ABCC12: variants seen among roughly 807,000 people sequenced by gnomAD.
ABCC12 encodes ATP binding cassette subfamily C member 12, also known as ATP-binding cassette sub-family C member 12.
Under a neutral mutation model 151.1 loss-of-function variants are expected in ABCC12, and 142 were observed. The ratio of observed to expected loss-of-function variants is 0.94; its 90% CI spans 0.82 to 1.08. The LOEUF is 1.08. Among genes scored for constraint, ABCC12 ranks in the 50% least tolerant of loss-of-function variants. The probability of loss-of-function intolerance (pLI) is 0.00; values close to 1 mark genes in which losing one functional copy is unlikely to be tolerated. For missense variants in ABCC12, 1,638 were observed against 1,691.1 expected, an observed-to-expected ratio of 0.97 and a Z score of 0.55; for synonymous variants, 645 against 646.4, an observed-to-expected ratio of 1.00 and a Z score of 0.03.
chr16:48,086,840 G>C, intron 27 of ABCC12, 21 bp from the exon 28 acceptor site: 1 of 1,596,158 alleles, frequency 6.3e-7, no homozygotes, highest in African/African-American at 1.3e-5. Flanking sequence ...GGAGAGGAGA[G>C]GACAGGGAGC....
intron 8 of ABCC12, among the ~76,000 whole-genome samples, chr16:48,135,049 C>CA (rs1236934094): frequency 0.018 from 1,436 of 77,712 alleles, 19 homozygotes; most frequent in African/African-American, 0.054. Context: ...GACTCTGTCT[C>CA]AAAAAAAAAA....
At chr16:48,109,492 C>A (rs1477619406) in intron 18 of ABCC12, among the ~76,000 whole-genome samples, 2 of 152,212 alleles carry the variant, frequency 1.3e-5, no homozygotes, top group Admixed American at 1.3e-4. Flanking sequence ...GAATTATACA[C>A]CGTACTTGGC....
chr16:48,086,718 C>T (rs1187848205), intron 28 of ABCC12, 23 bp downstream of exon 28: 2 of 1,601,236 alleles, frequency 1.2e-6, no homozygotes, highest in South Asian at 2.2e-5. Context: ...ACAAACTCCT[C>T]CTCAACAGCC....
rs374322022 is a variant in ABCC12, at chr16:48,091,109, T to C, written c.3285+11A>G. 1.9e-6 allele frequency: 3 copies of C among 1,613,734 alleles called. No homozygotes were observed. Among genetic ancestry groups the C allele is most frequent in the Non-Finnish European group, 2.5e-6 (3 of 1,179,716 alleles). On this transcript the variant is annotated intron_variant, in intron 25 of 30. Coordinates refer to ENST00000311303, the MANE Select transcript of ABCC12 (RefSeq NM_001393797.1). ...AACTTGTCCCTCCTCTCTGATGCACTAATTTCTTACCGAAATGTATTCCCT... is the reference window on the plus strand; with the variant it reads ...AACTTGTCCCTCCTCTCTGATGCACCAATTTCTTACCGAAATGTATTCCCT...
chr16:48,087,868 T>C, intron 27 of ABCC12, 58 bp downstream of exon 27: 1 of 1,566,792 alleles, frequency 6.4e-7, no homozygotes, highest in African/African-American at 1.4e-5. Context: ...ACAAAGTTCT[T>C]GGTCAGTCTG....
chr16:48,145,018 G>T (rs1964951273), intron 3 of ABCC12, among the ~76,000 whole-genome samples: 1 of 152,130 alleles, frequency 6.6e-6, no homozygotes, highest in South Asian at 2.1e-4. Flanking sequence ...CAAACCCACT[G>T]CTTGTTGACT....
intron 20 of ABCC12, among the ~76,000 whole-genome samples, chr16:48,105,712 A>G (rs1266234422): frequency 6.6e-6 from 1 of 152,180 alleles, no homozygotes; most frequent in African/African-American, 2.4e-5. Context: ...AGGCTGGAGG[A>G]GTAACCCTCA....
chr16:48,151,190 C>A (rs1462712449), intron 2 of ABCC12, among the ~76,000 whole-genome samples: 1 of 152,158 alleles, frequency 6.6e-6, no homozygotes, highest in African/African-American at 2.4e-5. Context: ...ATAACGTGTA[C>A]CCTTAATATG....
At chr16:48,137,872 G>C (rs547690017) in intron 8 of ABCC12, among the ~76,000 whole-genome samples, 20 of 152,196 alleles carry the variant, frequency 1.3e-4, no homozygotes, top group Non-Finnish European at 2.6e-4. Context: ...CTGGATGTGT[G>C]AGTGTATGTG....
At chr16:48,130,027 A>G (rs1964368473) in intron 10 of ABCC12, among the ~76,000 whole-genome samples, 1 of 152,210 alleles carries the variant, frequency 6.6e-6, no homozygotes, top group Non-Finnish European at 1.5e-5. Context: ...GTGTATGGTA[A>G]GGGAAAAGAG....
At position 48,104,143 on chromosome 16, in the gene ABCC12, G is replaced by A. The variant is rs779552167; in HGVS notation, c.2899C>T (p.Arg967Cys). 1.4e-5 allele frequency: 22 copies of A among 1,613,558 alleles called. No homozygotes were observed. The highest frequency in any genetic ancestry group is 1.6e-4 in the Middle Eastern group (1 of 6,082). ...CGTGTAAATAGCACATGGGCCTACC[G>A]TAACAGAATGAAGAAGCCTACAGCA... is the stretch of plus-strand genomic sequence containing the variant. ...SLAVGFFILL[R>C]IFHRGVQELK... Residue 967 changes from arginine to cysteine, a missense_variant and splice_region_variant, in exon 22 of 31, where the codon CGC (arginine) becomes TGC (cysteine). Physicochemically the swap from Arg to Cys is radical, Grantham distance 180 (BLOSUM62 -3). Coordinates refer to ENST00000311303, the MANE Select transcript of ABCC12 (RefSeq NM_001393797.1).
Position 48,083,536 on chromosome 16 carries a change from C to T in ABCC12, c.*179G>A. The T allele has an allele frequency of 1.4e-6, 1 of 695,140 alleles. No homozygotes were observed. The highest frequency in any genetic ancestry group is 2.4e-6 in the Non-Finnish European group (1 of 413,996). The allele number at this position is 695,140 out of a possible 1,614,324, so 43.1% of individuals were successfully genotyped here. On this transcript the variant is annotated 3_prime_UTR_variant, in exon 31 of 31. Transcript: ENST00000311303. ...CACCCAGAACCAACCCCAAGCCCACCAAGTGGGGTGACATGGACTGAGTAT... is the reference window on the plus strand; with the variant it reads ...CACCCAGAACCAACCCCAAGCCCACTAAGTGGGGTGACATGGACTGAGTAT...
chr16:48,085,642 C>T lies in ABCC12; in HGVS notation c.3779G>A (p.Gly1260Glu). 1 of 1,614,128 alleles carries T rather than the reference C, an allele frequency of 6.2e-7. No individual in the cohort carries two copies. ...GGCCACACAAAGCAGCTGACGTTCC[C>T]CTACTGAGAAGTTTTCTCCATTTTC... ...VTENGENFSV[G>E]ERQLLCVARA... Residue 1260 changes from glycine to glutamate, a missense_variant, in exon 29 of 31, where the codon GGG becomes GAG. Physicochemically the swap from Gly to Glu is moderately conservative, Grantham distance 98. Coordinates refer to ENST00000311303, the MANE Select transcript of ABCC12 (RefSeq NM_001393797.1).
chr16:48,099,361 C>T (rs1316918513), intron 23 of ABCC12, among the ~76,000 whole-genome samples: 1 of 152,126 alleles, frequency 6.6e-6, no homozygotes, highest in Non-Finnish European at 1.5e-5. Context: ...GATGCCATTG[C>T]ACTCCAGCCT....
intron 11 of ABCC12, among the ~76,000 whole-genome samples, chr16:48,125,762 T>C (rs1304300614): frequency 6.6e-6 from 1 of 152,148 alleles, no homozygotes; most frequent in Non-Finnish European, 1.5e-5. Flanking sequence ...GAAACGCCCA[T>C]CCCCTGTCTG....
At chr16:48,119,364 C>T (rs989092908) in intron 13 of ABCC12, among the ~76,000 whole-genome samples, 1 of 152,234 alleles carries the variant, frequency 6.6e-6, no homozygotes, top group Non-Finnish European at 1.5e-5. Context: ...TACACCTGAG[C>T]CATCTCTTTC....
At chr16:48,150,577 TATA>T (rs1965103986) in intron 2 of ABCC12, among the ~76,000 whole-genome samples, 1 of 152,120 alleles carries the variant, frequency 6.6e-6, no homozygotes, top group African/African-American at 2.4e-5. Flanking sequence ...GCTTGCAATA[TATA>T]ATAATATATT....
intron 8 of ABCC12, among the ~76,000 whole-genome samples, chr16:48,136,619 G>A (rs1483198922): frequency 6.6e-6 from 1 of 152,196 alleles, no homozygotes; most frequent in African/African-American, 2.4e-5. Context: ...ATTGTGTTGA[G>A]TGATCTGAAA....
intron 24 of ABCC12, among the ~76,000 whole-genome samples, chr16:48,095,339 C>T (rs1567445074): frequency 6.7e-6 from 1 of 150,278 alleles, no homozygotes; most frequent in Non-Finnish European, 1.5e-5. Context: ...GAGGCCTCCC[C>T]AGCCACGTGG....
Sources: gnomAD v4.1 joint callset for allele counts (sites outside exome capture counted in the v4.1 genomes callset) on GRCh38, gnomAD v4.1.1 for gene constraint, MANE v1.5 for transcripts, NCBI Gene and HGNC (gene_info 2026-07-23, HGNC 2026-07-21) for gene names.